The following BRWD1 variants were observed in gnomAD, a reference collection of about 807,000 sequenced individuals.
The protein encoded by BRWD1 is bromodomain and WD repeat-containing protein 1.
Under a neutral mutation model 251.2 loss-of-function variants are expected in BRWD1, and 82 were observed. The ratio of observed to expected loss-of-function variants is 0.33; its 90% CI spans 0.27 to 0.39. BRWD1 has a LOEUF of 0.39. Among genes scored for constraint, BRWD1 ranks in the 10% least tolerant of loss-of-function variants. The pLI is 1.00. For missense variants in BRWD1, 2,233 were observed against 2,711.6 expected (o/e 0.82, Z 3.92); for synonymous variants, 918 against 902.8 (o/e 1.02, Z -0.30).
chr21:39,300,647 G>A (rs2036084709), intron 4 of BRWD1, among the ~76,000 whole-genome samples: 1 of 152,110 alleles, frequency 6.6e-6, no homozygotes, highest in Admixed American at 6.6e-5. Flanking sequence ...ATACATTACT[G>A]CAGCCTCTAC....
chr21:39,254,510 T>C (rs1286418011), intron 19 of BRWD1, among the ~76,000 whole-genome samples: 4 of 152,202 alleles, frequency 2.6e-5, no homozygotes, highest in Admixed American at 2.6e-4. Context: ...AGCTATTTGA[T>C]TTATACATTA....
chr21:39,228,305 C>T (rs555804046), intron 27 of BRWD1, among the ~76,000 whole-genome samples, 195 bp downstream of exon 27: 9 of 152,080 alleles, frequency 5.9e-5, no homozygotes, highest in Admixed American at 2.0e-4. Context: ...CACCGTCCCC[C>T]GGCCCCTACC....
chr21:39,296,167 C>A, intron 6 of BRWD1, 98 bp downstream of exon 6: 1 of 940,962 alleles, frequency 1.1e-6, no homozygotes, highest in Non-Finnish European at 1.5e-6. Context: ...AACATTTCAA[C>A]CAGTATTTCC....
At chr21:39,259,678 C>CA (rs1230087511) in intron 17 of BRWD1, among the ~76,000 whole-genome samples, 7 of 150,122 alleles carry the variant, frequency 4.7e-5, no homozygotes, top group East Asian at 4.0e-4. Context: ...ACTGAAAATA[C>CA]AAAAAAAAAT....
intron 4 of BRWD1, among the ~76,000 whole-genome samples, chr21:39,303,015 C>T (rs771323427): frequency 1.3e-5 from 2 of 151,978 alleles, no homozygotes; most frequent in Non-Finnish European, 2.9e-5. Context: ...GCCGAGATCA[C>T]ACCACCACAC....
Position 39,258,678 on chromosome 21 carries a change from AATTCAATTATTTAAT to A in BRWD1, c.1886-21_1886-7del. On this transcript the variant is annotated splice_polypyrimidine_tract_variant and splice_region_variant and intron_variant, in intron 17 of 40. Transcript: ENST00000342449. ...TTCAATCACCTCTCCATCACCTACA[AATTCAATTATTTAAT>A]ATATAATCATATAAAAGCAGAAAAC... is the stretch of plus-strand genomic sequence containing the variant. 2 of 1,562,770 alleles carry A rather than the reference AATTCAATTATTTAAT, an allele frequency of 1.3e-6. No homozygotes were observed. The highest frequency in any genetic ancestry group is 1.7e-6 in the Non-Finnish European group (2 of 1,157,442).
intron 37 of BRWD1, among the ~76,000 whole-genome samples, chr21:39,205,131 G>GAT (rs2032325470): frequency 1.3e-5 from 2 of 152,088 alleles, no homozygotes; most frequent in South Asian, 4.1e-4. Context: ...AGTCTTTTCA[G>GAT]AATGTACAGT....
chr21:39,320,086 T>C (rs905221545), intron 1 of BRWD1, among the ~76,000 whole-genome samples: 1 of 152,196 alleles, frequency 6.6e-6, no homozygotes, highest in East Asian at 1.9e-4. Flanking sequence ...AAGATGACTG[T>C]GCAGTAAAGC....
At chr21:39,298,639 T>C in intron 4 of BRWD1, 57 bp from the exon 5 acceptor site, 3 of 1,393,732 alleles carry the variant, frequency 2.2e-6, no homozygotes. Context: ...AACTATTAAA[T>C]ACTTAGGGAT....
chr21:39,248,044 T>C (rs772395194), intron 20 of BRWD1, among the ~76,000 whole-genome samples: 2 of 152,146 alleles, frequency 1.3e-5, no homozygotes, highest in Non-Finnish European at 2.9e-5. Context: ...GCACATTAGA[T>C]GGGCATTTTC....
intron 37 of BRWD1, among the ~76,000 whole-genome samples, chr21:39,203,438 C>T (rs867122764): frequency 1.6e-3 from 108 of 67,700 alleles, no homozygotes; most frequent in Non-Finnish European, 2.2e-3. Context: ...GACCCTGGTT[C>T]TTTTTTTTTT....
At chr21:39,294,634 GAC>G (rs1044975780) in intron 7 of BRWD1, among the ~76,000 whole-genome samples, 7 of 142,888 alleles carry the variant, frequency 4.9e-5, no homozygotes, top group Non-Finnish European at 1.1e-4. Context: ...CAGCCTAGGT[GAC>G]AGAGTGAGAC....
intron 8 of BRWD1, among the ~76,000 whole-genome samples, chr21:39,281,047 T>C (rs1356045933): frequency 6.6e-6 from 1 of 151,926 alleles, no homozygotes; most frequent in Non-Finnish European, 1.5e-5. Context: ...AGGAATAATA[T>C]CAGCACAAGT....
intron 10 of BRWD1, among the ~76,000 whole-genome samples, chr21:39,277,802 G>A (rs920623462): frequency 6.6e-6 from 1 of 152,040 alleles, no homozygotes; most frequent in South Asian, 2.1e-4. Flanking sequence ...CTGACCTCAG[G>A]TGATCCACCC....
At chr21:39,221,396 A>G (rs2033172604) in intron 29 of BRWD1, among the ~76,000 whole-genome samples, 1 of 152,172 alleles carries the variant, frequency 6.6e-6, no homozygotes, top group Non-Finnish European at 1.5e-5. Context: ...ATAATAACTA[A>G]TATTTTCCAA....
In BRWD1 at chr21:39,295,815, G is replaced by C. The variant is rs770388147; in HGVS notation, c.537C>G (p.His179Gln). The C allele has an allele frequency of 6.2e-7, 1 of 1,612,046 alleles. No individual in the cohort carries two copies. The highest frequency in any genetic ancestry group is 1.3e-5 in the African/African-American group (1 of 74,858). The change falls in exon 7 of 41, where the codon CAC (histidine) becomes CAG (glutamine). Residue 179 changes from histidine (H) to glutamine (Q), a missense_variant. Transcript: ENST00000342449. ...PGTMYQHIKM[H>Q]RRILGHLSAV... ...CAGATAGATGTCCGAGAATCCTTCTGTGCATTTTTATATGCTGATACATAG... is the reference window on the plus strand; with the variant it reads ...CAGATAGATGTCCGAGAATCCTTCTCTGCATTTTTATATGCTGATACATAG...
chr21:39,309,348 G>A (rs1363957117), intron 4 of BRWD1, among the ~76,000 whole-genome samples: 1 of 151,586 alleles, frequency 6.6e-6, no homozygotes, highest in African/African-American at 2.4e-5. Flanking sequence ...CTACTCAGGA[G>A]GTGGAGGGCT....
chr21:39,202,498 T>C lies in BRWD1; in HGVS notation c.4412A>G (p.Glu1471Gly). The change falls in exon 38 of 41, where the codon GAG (glutamate) becomes GGG (glycine). Residue 1471 changes from glutamate to glycine, a missense_variant. Coordinates refer to ENST00000342449, the MANE Select transcript of BRWD1 (RefSeq NM_033656.4). ...RLKSQTKIIP[E>G]LVGSPTQSTS... ...AGACTGGGTAGGAGAACCTACCAAC[T>C]CAGGAATTATTTTTGTCTGAGATTT... The C allele has an allele frequency of 1.9e-6, 3 of 1,613,608 alleles. No individual in the cohort carries two copies. Among genetic ancestry groups the C allele is most frequent in the Non-Finnish European group, 2.5e-6 (3 of 1,179,560 alleles).
intron 3 of BRWD1, 67 bp from the exon 4 acceptor site, chr21:39,312,967 CCGGGGGCGGGCGGCGGGCGGCGGG>C: frequency 5.3e-6 from 3 of 564,442 alleles, no homozygotes; most frequent in Admixed American, 1.4e-4. Flanking sequence ...GGGCGGGGGG[CCGGGGGCGGGCGGCGGGCGGCGGG>C]CGGGGGGCGC....
Sources: gnomAD v4.1 joint callset for allele counts (sites outside exome capture counted in the v4.1 genomes callset) on GRCh38, gnomAD v4.1.1 for gene constraint, MANE v1.5 for transcripts, NCBI Gene and HGNC (gene_info 2026-07-23, HGNC 2026-07-21) for gene names.